The following TOP1 variants were observed in gnomAD, a reference collection of about 807,000 sequenced individuals.
TOP1 encodes DNA topoisomerase I.
A neutral mutation model predicts 111.1 loss-of-function variants in TOP1; 10 were observed. The ratio of observed to expected loss-of-function variants is 0.09; its 90% CI spans 0.06 to 0.15. TOP1 has a LOEUF of 0.15. TOP1 is among the 10% of genes least tolerant of loss of function. The pLI is 1.00. For missense variants in TOP1, 474 were observed against 926.7 expected (o/e 0.51, Z 6.34); for synonymous variants, 271 against 302.9 (o/e 0.89, Z 1.10).
chr20:41,123,365 C>T lies in TOP1; in HGVS notation c.*68C>T. 1 of 1,160,908 alleles carries T rather than the reference C, an allele frequency of 8.6e-7. No homozygotes were observed. The highest frequency in any genetic ancestry group is 1.3e-6 in the Non-Finnish European group (1 of 784,746). 71.9% of individuals were successfully genotyped at this position (1,160,908 alleles called of 1,614,324 possible). On this transcript the variant is annotated 3_prime_UTR_variant, in exon 21 of 21. Transcript: ENST00000361337. The surrounding 1 kb of genome is among the most constrained non-coding windows in gnomAD (Gnocchi z 5.8). Reference sequence around the variant, plus strand: ...TTTGGGAAAGATGGATAAACTGAGCCTCACTTGCCCTCGTGCCTGGGGGAG... The same window carrying T: ...TTTGGGAAAGATGGATAAACTGAGCTTCACTTGCCCTCGTGCCTGGGGGAG...
Position 41,123,049 on chromosome 20 carries a change from A to G in TOP1, c.2196-146A>G, listed in dbSNP as rs1203111273. 3.3e-6 allele frequency: 2 copies of G among 597,352 alleles called. No homozygotes were observed. The highest frequency in any genetic ancestry group is 3.8e-5 in the African/African-American group (2 of 52,874). The allele number at this position is 597,352 out of a possible 1,614,324, so 37.0% of individuals were successfully genotyped here. Reference sequence around the variant, plus strand: ...AGATTAAATGAGTTGATCACATAAAACCTTTAGAACATGCTTGGTGCACTA... The same window carrying G: ...AGATTAAATGAGTTGATCACATAAAGCCTTTAGAACATGCTTGGTGCACTA... On this transcript the variant is annotated intron_variant, in intron 20 of 20. Coordinates refer to ENST00000361337, the MANE Select transcript of TOP1 (RefSeq NM_003286.4). The surrounding 1 kb of genome is among the most constrained non-coding windows in gnomAD (Gnocchi z 5.8).
rs546844269 is a variant in TOP1 at position 41,121,642 on chromosome 20, G to T, written c.1951-54G>T. The T allele has an allele frequency of 7.0e-7, 1 of 1,421,240 alleles. No individual in the cohort carries two copies. Among genetic ancestry groups the T allele is most frequent in the South Asian group, 1.1e-5 (1 of 87,084 alleles). The allele number at this position is 1,421,240 out of a possible 1,614,324, so 88.0% of individuals were successfully genotyped here. A position where few individuals can be genotyped will look rare whatever the true frequency, so the allele number is the denominator to read the frequency against. On this transcript the variant is annotated intron_variant, in intron 18 of 20. Transcript: ENST00000361337. This position sits in a 1 kb window ranked among gnomAD's most constrained non-coding sequence, Gnocchi z 4.2. Reference sequence around the variant, plus strand: ...TAACATCTTGGTTTCACCTTCTCAGGTGGAGCCATTTTTCCTCTACAGCTC... The same window carrying T: ...TAACATCTTGGTTTCACCTTCTCAGTTGGAGCCATTTTTCCTCTACAGCTC...
In TOP1 at chr20:41,106,988, T is replaced by C. The variant is rs1358316883; in HGVS notation, c.1308+5635T>C. Among the ~76,000 whole-genome samples the C allele has an allele frequency of 6.6e-6, 1 of 152,214 alleles. No homozygotes were observed. The highest frequency in any genetic ancestry group is 1.5e-5 in the Non-Finnish European group (1 of 68,026). On this transcript the variant is annotated intron_variant, in intron 13 of 20. Transcript: ENST00000361337. The surrounding 1 kb of genome is among the most constrained non-coding windows in gnomAD (Gnocchi z 4.3). Reference sequence around the variant, plus strand: ...CAGCCAAATGTTTTATTAATTGCTATACTCAGTGTTTCTTGTATCTCATAC... The same window carrying C: ...CAGCCAAATGTTTTATTAATTGCTACACTCAGTGTTTCTTGTATCTCATAC...
chr20:41,120,598 T>A (rs1600606781), intron 18 of TOP1, among the ~76,000 whole-genome samples: 1 of 152,234 alleles, frequency 6.6e-6, no homozygotes, highest in African/African-American at 2.4e-5. Flanking sequence ...TCAAAGATTC[T>A]AACAAGCAAG....
chr20:41,113,823 C>T, intron 14 of TOP1, 147 bp from the exon 15 acceptor site: 1 of 556,088 alleles, frequency 1.8e-6, no homozygotes, highest in Non-Finnish European at 3.0e-6. Context: ...ACGGAGCTTG[C>T]AGTGAGCCAA....
At position 41,102,723 on chromosome 20, in the gene TOP1, T is replaced by A. The variant is rs753153482; in HGVS notation, c.1308+1370T>A. Among the ~76,000 whole-genome samples, 4 of 152,178 alleles carry A rather than the reference T, an allele frequency of 2.6e-5. No individual in the cohort carries two copies. Among genetic ancestry groups the A allele is most frequent in the Non-Finnish European group, 4.4e-5 (3 of 68,020 alleles). ...AGCAGACTAGTCATTTAAAGAAACA[T>A]GTATTCCTCTTCTGAAGTATCGCAA... On this transcript the variant is annotated intron_variant, in intron 13 of 20. Transcript: ENST00000361337. This position sits in a 1 kb window ranked among gnomAD's most constrained non-coding sequence, Gnocchi z 4.0.
chr20:41,084,008 C>T (rs371120926), intron 7 of TOP1, among the ~76,000 whole-genome samples: 47 of 152,272 alleles, frequency 3.1e-4, no homozygotes, highest in African/African-American at 1.1e-3. Flanking sequence ...TAGTACTATA[C>T]TCCACTAAAT....
In TOP1 at chr20:41,122,181, C is replaced by T; in HGVS notation, c.2195+26C>T. 6.2e-7 allele frequency: 1 copy of T among 1,612,200 alleles called. No homozygotes were observed. Among genetic ancestry groups the T allele is most frequent in the Non-Finnish European group, 8.5e-7 (1 of 1,178,908 alleles). On this transcript the variant is annotated intron_variant, in intron 20 of 20. Coordinates refer to ENST00000361337, the MANE Select transcript of TOP1 (RefSeq NM_003286.4). The surrounding 1 kb of genome is among the most constrained non-coding windows in gnomAD (Gnocchi z 5.4). The stretch of plus-strand genomic sequence containing the variant: ...GTAAGTGTTGAGCCCTCCTTGAGCT[C>T]CTGCTGCTAGCTTAAGAAAGGTGGA...
intron 8 of TOP1, among the ~76,000 whole-genome samples, chr20:41,087,164 G>C (rs2033859591): frequency 6.6e-6 from 1 of 152,116 alleles, no homozygotes. Flanking sequence ...CCCTCCTTTG[G>C]TAATTGTTCA....
Position 41,094,490 on chromosome 20 carries a change from C to T in TOP1, c.730+1903C>T, listed in dbSNP as rs961864651. Among the ~76,000 whole-genome samples the T allele has an allele frequency of 6.6e-6, 1 of 152,166 alleles. No homozygotes were observed. The highest frequency in any genetic ancestry group is 1.5e-5 in the Non-Finnish European group (1 of 68,034). On this transcript the variant is annotated intron_variant, in intron 9 of 20. Coordinates refer to ENST00000361337, the MANE Select transcript of TOP1 (RefSeq NM_003286.4). The surrounding 1 kb of genome is among the most constrained non-coding windows in gnomAD (Gnocchi z 4.4). Reference sequence around the variant, plus strand: ...TAGATTCCCTAGTCCTGTGGTTTCTCTTCCTTTTCAAGATAGGAAGCAGAG... The same window carrying T: ...TAGATTCCCTAGTCCTGTGGTTTCTTTTCCTTTTCAAGATAGGAAGCAGAG...
intron 3 of TOP1, among the ~76,000 whole-genome samples, chr20:41,068,028 G>T (rs1300820790): frequency 1.3e-5 from 2 of 152,218 alleles, no homozygotes; most frequent in Non-Finnish European, 2.9e-5. Context: ...CAAGGATCCT[G>T]AGTCCCCACT....
At chr20:41,104,038 C>T (rs2034106257) in intron 13 of TOP1, among the ~76,000 whole-genome samples, 1 of 152,126 alleles carries the variant, frequency 6.6e-6, no homozygotes, top group South Asian at 2.1e-4. Context: ...CAAGACAACT[C>T]CACTGTTCAA....
At chr20:41,089,953 A>G (rs2033899252) in intron 8 of TOP1, among the ~76,000 whole-genome samples, 1 of 151,998 alleles carries the variant, frequency 6.6e-6, no homozygotes, top group Admixed American at 6.6e-5. Context: ...TGACCATTCA[A>G]GTTCTTTGCC....
rs2034428750 is a variant in TOP1, at chr20:41,121,855, C to G, written c.2045+65C>G. On this transcript the variant is annotated intron_variant, in intron 19 of 20. Transcript: ENST00000361337. The surrounding 1 kb of genome is among the most constrained non-coding windows in gnomAD (Gnocchi z 4.2). ...AAAGTGTGCAGCATCTGTCAGGGCC[C>G]CTGGGGCCCTGGCTTTTCGATGGTT... The G allele has an allele frequency of 1.3e-6, 2 of 1,563,352 alleles. No homozygotes were observed. The highest frequency in any genetic ancestry group is 2.7e-5 in the African/African-American group (2 of 73,052).
In TOP1 at chr20:41,063,151, C is replaced by T. The variant is rs188339128; in HGVS notation, c.155+1661C>T. ...TGCCATCTTTATGTCCATGAGCACC[C>T]GATGTTTAGCTCCTGCTTAAAAATG... On this transcript the variant is annotated intron_variant, in intron 3 of 20. Transcript: ENST00000361337. Among the ~76,000 whole-genome samples the T allele has an allele frequency of 5.8e-3, 888 of 152,276 alleles. 5 individuals carry two copies. The highest frequency in any genetic ancestry group is 0.01 in the Non-Finnish European group (687 of 68,022).
At chr20:41,085,192 A>C (rs2033833877) in intron 8 of TOP1, among the ~76,000 whole-genome samples, 1 of 152,238 alleles carries the variant, frequency 6.6e-6, no homozygotes, top group Non-Finnish European at 1.5e-5. Flanking sequence ...TCTAATCAGA[A>C]TGTGAGGAAC....
At chr20:41,055,113 A>G (rs959782631) in intron 2 of TOP1, among the ~76,000 whole-genome samples, 5 of 152,314 alleles carry the variant, frequency 3.3e-5, no homozygotes, top group Admixed American at 1.3e-4. Context: ...AGATTGCTTT[A>G]TTGCAGGGGG....
Position 41,110,091 on chromosome 20 carries a change from A to T in TOP1, c.1309-2691A>T, listed in dbSNP as rs1238675066. ...CACTTCAGGTCAGGAGTTCGAGACC[A>T]GCCTGGCCAACATGGCGAAACACCG... On this transcript the variant is annotated intron_variant, in intron 13 of 20. Coordinates refer to ENST00000361337, the MANE Select transcript of TOP1 (RefSeq NM_003286.4). This position sits in a 1 kb window ranked among gnomAD's most constrained non-coding sequence, Gnocchi z 4.2. Among the ~76,000 whole-genome samples, 1 of 152,236 alleles carries T rather than the reference A, an allele frequency of 6.6e-6. No homozygotes were observed. The highest frequency in any genetic ancestry group is 2.4e-5 in the African/African-American group (1 of 41,474).
chr20:41,102,751 C>T lies in TOP1; in HGVS notation c.1308+1398C>T, dbSNP rs1261752071. Among the ~76,000 whole-genome samples, 1 of 152,188 alleles carries T rather than the reference C, an allele frequency of 6.6e-6. No homozygotes were observed. Among genetic ancestry groups the T allele is most frequent in the Non-Finnish European group, 1.5e-5 (1 of 68,034 alleles). ...ATTCCTCTTCTGAAGTATCGCAAAG[C>T]TGTATATATGGCTACAAAAGCAGAA... is the stretch of plus-strand genomic sequence containing the variant. On this transcript the variant is annotated intron_variant, in intron 13 of 20. Coordinates refer to ENST00000361337, the MANE Select transcript of TOP1 (RefSeq NM_003286.4). The surrounding 1 kb of genome is among the most constrained non-coding windows in gnomAD (Gnocchi z 4.0).
Sources: allele counts gnomAD v4.1 joint callset (sites outside exome capture counted in the v4.1 genomes callset), GRCh38; gene constraint gnomAD v4.1.1; non-coding constraint Gnocchi (gnomAD v3.1); transcripts MANE v1.5; gene names NCBI Gene and HGNC (gene_info 2026-07-23, HGNC 2026-07-21).